The following PLCE1 variants were observed in gnomAD, a reference collection of about 807,000 sequenced individuals.
PLCE1 encodes the protein 1-phosphatidylinositol 4,5-bisphosphate phosphodiesterase epsilon-1.
In PLCE1, 119 loss-of-function variants were observed where a neutral mutation model predicts 242.8. That is an observed-to-expected ratio of 0.49 (90% CI 0.42 to 0.57). The LOEUF (loss-of-function observed/expected upper bound fraction) is 0.57, where lower values mean the gene tolerates loss of function less well. Ranked by LOEUF, PLCE1 falls within the 20% of genes least tolerant of loss-of-function variation. PLCE1 has a pLI of 0.00. For missense variants in PLCE1, 2,441 were observed against 2,788.8 expected (o/e 0.88, Z 2.81); for synonymous variants, 945 against 1,017.4 (o/e 0.93, Z 1.35).
chr10:94,129,630 C>T (rs1023383520), intron 2 of PLCE1, among the ~76,000 whole-genome samples: 1 of 152,104 alleles, frequency 6.6e-6, no homozygotes, highest in Admixed American at 6.6e-5. Flanking sequence ...AATGAGCCAG[C>T]GCAGCAGCTT....
intron 2 of PLCE1, among the ~76,000 whole-genome samples, chr10:94,088,745 A>G (rs1344437754): frequency 2.0e-5 from 3 of 152,134 alleles, no homozygotes; most frequent in African/African-American, 7.2e-5. Flanking sequence ...ACATGTATAC[A>G]CTTTGGGTTC....
intron 4 of PLCE1, among the ~76,000 whole-genome samples, chr10:94,215,448 A>G (rs1019014413): frequency 4.6e-5 from 7 of 152,208 alleles, no homozygotes; most frequent in Admixed American, 2.0e-4. Flanking sequence ...ACCGTGCAGT[A>G]TAAAAAGTGC....
At chr10:94,000,788 C>T (rs1249370490) in intron 1 of PLCE1, among the ~76,000 whole-genome samples, 4 of 152,196 alleles carry the variant, frequency 2.6e-5, no homozygotes, top group Admixed American at 2.6e-4. Flanking sequence ...AGCTGCCTCT[C>T]ATGGGTGCAG....
intron 4 of PLCE1, among the ~76,000 whole-genome samples, chr10:94,176,648 G>A (rs1426561859): frequency 1.3e-5 from 2 of 152,142 alleles, no homozygotes; most frequent in Non-Finnish European, 2.9e-5. Flanking sequence ...TCCATTGCCG[G>A]TGCTAGTCAC....
At chr10:94,138,532 C>A in intron 3 of PLCE1, 1 of 478,922 alleles carries the variant, frequency 2.1e-6, no homozygotes, top group South Asian at 1.7e-5. Context: ...GTGCTGTGGT[C>A]ATACAGTGTG....
At chr10:94,270,256 T>G (rs1442779880) in intron 17 of PLCE1, among the ~76,000 whole-genome samples, 1 of 152,230 alleles carries the variant, frequency 6.6e-6, no homozygotes, top group East Asian at 1.9e-4. Flanking sequence ...ATTTGTTAAA[T>G]TCAATATGAT....
At chr10:94,055,470 C>A (rs2043878660) in intron 2 of PLCE1, among the ~76,000 whole-genome samples, 1 of 152,048 alleles carries the variant, frequency 6.6e-6, no homozygotes, top group South Asian at 2.1e-4. Context: ...CACCCACTAT[C>A]ACACCCGGCT....
intron 28 of PLCE1, chr10:94,315,290 G>T: frequency 2.4e-6 from 1 of 408,782 alleles, no homozygotes; most frequent in Non-Finnish European, 4.9e-6. Context: ...AGATGTGTTC[G>T]CTCTGGGCTT....
chr10:94,057,035 T>C (rs1317277862), intron 2 of PLCE1, among the ~76,000 whole-genome samples: 3 of 152,232 alleles, frequency 2.0e-5, no homozygotes, highest in African/African-American at 2.4e-5. Context: ...TACCACTTTT[T>C]ATGTATCCAT....
intron 20 of PLCE1, among the ~76,000 whole-genome samples, chr10:94,282,231 A>C (rs1251045901): frequency 6.6e-6 from 1 of 151,372 alleles, no homozygotes; most frequent in Non-Finnish European, 1.5e-5. Context: ...ATCTAACACC[A>C]TTTGGGCTAT....
chr10:94,085,840 T>G (rs986608309), intron 2 of PLCE1, among the ~76,000 whole-genome samples: 5 of 152,186 alleles, frequency 3.3e-5, no homozygotes, highest in Non-Finnish European at 7.3e-5. Context: ...ACAGACTGGG[T>G]AAGTATAGTC....
intron 1 of PLCE1, among the ~76,000 whole-genome samples, chr10:94,022,946 G>A (rs1466237563): frequency 1.3e-5 from 2 of 152,156 alleles, no homozygotes; most frequent in Admixed American, 6.6e-5. Context: ...GAAATGTAAA[G>A]TGTAGCATAT....
chr10:94,230,820 G>T lies in PLCE1; in HGVS notation c.1956-3234G>T, dbSNP rs369536516. ...GATGGAGTCTTTCTATGTTTCCCAGGCTGGTCTGGAACTCCTGGCCTCAAG... is the reference window on the plus strand; with the variant it reads ...GATGGAGTCTTTCTATGTTTCCCAGTCTGGTCTGGAACTCCTGGCCTCAAG... On this transcript the variant is annotated intron_variant, in intron 5 of 32. Coordinates refer to ENST00000371380, the MANE Select transcript of PLCE1 (RefSeq NM_016341.4). 7.9e-5 allele frequency among the ~76,000 whole-genome samples: 12 copies of T among 151,896 alleles called. No individual in the cohort carries two copies. The South Asian group carries it at 8.4e-4, about 11-fold the overall frequency.
chr10:94,048,151 C>G (rs2043648537), intron 2 of PLCE1, among the ~76,000 whole-genome samples: 1 of 152,110 alleles, frequency 6.6e-6, no homozygotes, highest in Admixed American at 6.5e-5. Flanking sequence ...GTGAATATAT[C>G]ATACTTTACT....
At chr10:94,081,473 C>T (rs1037404201) in intron 2 of PLCE1, among the ~76,000 whole-genome samples, 1 of 152,050 alleles carries the variant, frequency 6.6e-6, no homozygotes, top group African/African-American at 2.4e-5. Context: ...ACATTTTAAC[C>T]TTTCATTCAT....
chr10:94,170,401 A>G (rs933218716), intron 3 of PLCE1, among the ~76,000 whole-genome samples: 13 of 152,218 alleles, frequency 8.5e-5, no homozygotes, highest in African/African-American at 3.1e-4. Flanking sequence ...AGAGAAGGCA[A>G]GTATGTGGCT....
intron 2 of PLCE1, among the ~76,000 whole-genome samples, chr10:94,099,203 T>C (rs1443986713): frequency 6.6e-6 from 1 of 152,148 alleles, no homozygotes; most frequent in East Asian, 1.9e-4. Context: ...TCCTCTTCTT[T>C]AAAATAGCGA....
chr10:94,085,367 G>C (rs1219901842), intron 2 of PLCE1, among the ~76,000 whole-genome samples: 1 of 152,108 alleles, frequency 6.6e-6, no homozygotes, highest in Non-Finnish European at 1.5e-5. Flanking sequence ...GATGACCACA[G>C]AAGGCAGGAA....
intron 29 of PLCE1, among the ~76,000 whole-genome samples, chr10:94,319,864 C>CCTTTTTTTTTT (rs1215283955): frequency 2.2e-5 from 2 of 92,912 alleles, no homozygotes; most frequent in African/African-American, 7.5e-5. Flanking sequence ...CAAAGGTGCT[C>CCTTTTTTTTTT]TTTTTTTTTT....
Sources: allele counts gnomAD v4.1 joint callset (sites outside exome capture counted in the v4.1 genomes callset), GRCh38; gene constraint gnomAD v4.1.1; transcripts MANE v1.5; gene names NCBI Gene and HGNC (gene_info 2026-07-23, HGNC 2026-07-21).